HEBP2: variants seen among roughly 807,000 people sequenced by gnomAD.
The protein encoded by HEBP2 is heme-binding protein 2.
A neutral mutation model predicts 23.1 loss-of-function variants in HEBP2; 27 were observed. That is an observed-to-expected ratio of 1.17 (90% CI 0.86 to 1.61). The LOEUF is 1.61. Ranked by LOEUF, HEBP2 falls within the 40% of genes most tolerant of loss-of-function variation. The pLI, the probability that HEBP2 is intolerant of heterozygous loss-of-function variation, is 0.00. For synonymous variants in HEBP2, 99 were observed against 95.1 expected (o/e 1.04, Z -0.24); for missense variants, 245 against 253.8 (o/e 0.97, Z 0.24).
In HEBP2 at chr6:138,413,145, T is replaced by C. The variant is rs113558171; in HGVS notation, c.*67T>C. The C allele has an allele frequency of 1.6e-6, 2 of 1,249,120 alleles. No individual in the cohort carries two copies. The highest frequency in any genetic ancestry group is 4.6e-5 in the East Asian group (2 of 43,070). 77.4% of individuals were successfully genotyped at this position (1,249,120 alleles called of 1,614,324 possible). ...GTTTATCATAGACATCAACATGACC[T>C]ATAAGTAAAGTGCGTGTCTAGTGTC... is the stretch of plus-strand genomic sequence containing the variant. On this transcript the variant is annotated 3_prime_UTR_variant, in exon 4 of 4. Transcript: ENST00000607197.
At position 138,422,007 on chromosome 6, in the gene HEBP2, A is replaced by G. The variant is rs558596502; in HGVS notation, c.*8929A>G. On this transcript the variant is annotated 3_prime_UTR_variant, in exon 4 of 4. Coordinates refer to ENST00000607197, the MANE Select transcript of HEBP2 (RefSeq NM_014320.3). ...GAACACCTATCTCATTATTCAAAAA[A>G]AATGCATGTATAAACAAAAAGAAAT... 2 of 152,356 alleles carry G rather than the reference A, an allele frequency of 1.3e-5. No homozygotes were observed. Among genetic ancestry groups the G allele is most frequent in the South Asian group, 4.1e-4 (2 of 4,832 alleles). 9.4% of individuals were successfully genotyped at this position (152,356 alleles called of 1,614,324 possible).
At chr6:138,403,820 C>T, upstream of HEBP2, 1 of 400,542 alleles carries the variant, frequency 2.5e-6, no homozygotes, top group Non-Finnish European at 4.4e-6. Flanking sequence ...GTTCAGAAAC[C>T]AGAACAGTTC....
At chr6:138,409,765 C>T (rs1774712627) in intron 3 of HEBP2, among the ~76,000 whole-genome samples, 1 of 152,144 alleles carries the variant, frequency 6.6e-6, no homozygotes, top group African/African-American at 2.4e-5. Context: ...CCTGGCCCAG[C>T]CCTGTCTCAG....
chr6:138,408,152 T>G (rs1171608818), intron 3 of HEBP2, among the ~76,000 whole-genome samples: 1 of 152,222 alleles, frequency 6.6e-6, no homozygotes, highest in Non-Finnish European at 1.5e-5. Context: ...ATCAAAGGGT[T>G]GCTTGGCCTT....
At position 138,404,373 on chromosome 6, in the gene HEBP2, G is replaced by A. The variant is rs1033527022; in HGVS notation, c.-123G>A. On this transcript the variant is annotated 5_prime_UTR_variant, in exon 1 of 4. Transcript: ENST00000607197. ...CTCGGGTCTCCAGCCCGGCCGGGAG[G>A]AGGGACCGGGTCTGCGGAGCGGGGA... 1 of 563,480 alleles carries A rather than the reference G, an allele frequency of 1.8e-6. No individual in the cohort carries two copies. The highest frequency in any genetic ancestry group is 2.0e-5 in the African/African-American group (1 of 50,446). The allele number at this position is 563,480 out of a possible 1,614,324, so 34.9% of individuals were successfully genotyped here. A position where few individuals can be genotyped will look rare whatever the true frequency, so the allele number is the denominator to read the frequency against.
Position 138,404,427 on chromosome 6 carries a change from C to G in HEBP2, c.-69C>G. 1 of 1,059,908 alleles carries G rather than the reference C, an allele frequency of 9.4e-7. No individual in the cohort carries two copies. Among genetic ancestry groups the G allele is most frequent in the Non-Finnish European group, 1.2e-6 (1 of 838,218 alleles). 65.7% of individuals were successfully genotyped at this position (1,059,908 alleles called of 1,614,324 possible). A position where few individuals can be genotyped will look rare whatever the true frequency, so the allele number is the denominator to read the frequency against. The stretch of plus-strand genomic sequence containing the variant: ...GGGGCCTCGGCGGGGCGCGCACACG[C>G]AGGCGGGGCGGCCCGGGGTGCGGGG... On this transcript the variant is annotated 5_prime_UTR_variant, in exon 1 of 4. Transcript: ENST00000607197.
chr6:138,410,466 A>C (rs757260696), intron 3 of HEBP2, among the ~76,000 whole-genome samples: 152 of 151,236 alleles, frequency 1.0e-3, no homozygotes, highest in Non-Finnish European at 1.6e-3. Flanking sequence ...TTTAAGAGCC[A>C]AAATGTTTCT....
intron 3 of HEBP2, 94 bp from the exon 4 acceptor site, chr6:138,412,786 C>A: frequency 9.6e-7 from 1 of 1,039,814 alleles, no homozygotes; most frequent in Non-Finnish European, 1.5e-6. Flanking sequence ...GCACTTCACT[C>A]AGCATTCACG....
In HEBP2 at chr6:138,415,150, G is replaced by C. The variant is rs1397115178; in HGVS notation, c.*2072G>C. On this transcript the variant is annotated 3_prime_UTR_variant, in exon 4 of 4. Coordinates refer to ENST00000607197, the MANE Select transcript of HEBP2 (RefSeq NM_014320.3). ...TGGTGGGCTGCTAGAGACTTTGTTAGATCCTACCGTTCCTCTGCTCAATCC... is the reference window on the plus strand; with the variant it reads ...TGGTGGGCTGCTAGAGACTTTGTTACATCCTACCGTTCCTCTGCTCAATCC... The C allele has an allele frequency of 6.6e-6, 1 of 152,224 alleles. No individual in the cohort carries two copies. Among genetic ancestry groups the C allele is most frequent in the African/African-American group, 2.4e-5 (1 of 41,450 alleles). The allele number at this position is 152,224 out of a possible 1,614,324, so 9.4% of individuals were successfully genotyped here. A position where few individuals can be genotyped will look rare whatever the true frequency, so the allele number is the denominator to read the frequency against.
chr6:138,412,805 G>T, intron 3 of HEBP2, 75 bp from the exon 4 acceptor site: 1 of 1,287,730 alleles, frequency 7.8e-7, no homozygotes. Flanking sequence ...CGGTACTAGC[G>T]CCCGCTTTTT....
At chr6:138,406,381 G>C (rs1774646527) in intron 3 of HEBP2, among the ~76,000 whole-genome samples, 1 of 152,132 alleles carries the variant, frequency 6.6e-6, no homozygotes, top group Non-Finnish European at 1.5e-5. Context: ...TATAAGACAC[G>C]GTGCAAATTA....
chr6:138,405,103 C>G, intron 1 of HEBP2, 42 bp from the exon 2 acceptor site: 1 of 1,604,066 alleles, frequency 6.2e-7, no homozygotes, highest in Non-Finnish European at 8.5e-7. Flanking sequence ...CACTCCTACC[C>G]TCTTAGAATT....
At position 138,416,756 on chromosome 6, in the gene HEBP2, C is replaced by G. The variant is rs1774848215; in HGVS notation, c.*3678C>G. 6.6e-6 allele frequency: 1 copy of G among 152,168 alleles called. No homozygotes were observed. The highest frequency in any genetic ancestry group is 2.4e-5 in the African/African-American group (1 of 41,432). 9.4% of individuals were successfully genotyped at this position (152,168 alleles called of 1,614,324 possible). The stretch of plus-strand genomic sequence containing the variant: ...GCATTCCTAGGGACAAAAGAGCTGA[C>G]TAATCAACAAGGGTAAGGCTTTATA... On this transcript the variant is annotated 3_prime_UTR_variant, in exon 4 of 4. Coordinates refer to ENST00000607197, the MANE Select transcript of HEBP2 (RefSeq NM_014320.3).
chr6:138,404,109 A>T (rs1053810751), upstream of HEBP2: 3 of 215,170 alleles, frequency 1.4e-5, no homozygotes, highest in East Asian at 1.0e-4. Context: ...GCACAGAAAC[A>T]GCGCCACCCC....
chr6:138,404,593 C>G lies in HEBP2; in HGVS notation c.98C>G (p.Pro33Arg). The G allele has an allele frequency of 7.8e-7, 1 of 1,286,276 alleles. No individual in the cohort carries two copies. The highest frequency in any genetic ancestry group is 9.8e-7 in the Non-Finnish European group (1 of 1,017,282). 79.7% of individuals were successfully genotyped at this position (1,286,276 alleles called of 1,614,324 possible). A position where few individuals can be genotyped will look rare whatever the true frequency, so the allele number is the denominator to read the frequency against. The change falls in exon 1 of 4, where the codon CCC becomes CGC. Residue 33 changes from proline to arginine, a missense_variant. Coordinates refer to ENST00000607197, the MANE Select transcript of HEBP2 (RefSeq NM_014320.3). ...TGGAAGGCCCCGGAGGACGCCGGCC[C>G]CCAGGTAGGCGCCGACTCGGGAGCG... The part of the protein sequence containing the change: ...PGWKAPEDAG[P>R]QPGSYEIRHY...
At chr6:138,406,869 G>A (rs182363406) in intron 3 of HEBP2, among the ~76,000 whole-genome samples, 133 of 151,452 alleles carry the variant, frequency 8.8e-4, no homozygotes, top group African/African-American at 3.1e-3. Context: ...TCTACCAAAT[G>A]TATATATATA....
rs1774893679 is a variant in HEBP2, at chr6:138,419,935, T to C, written c.*6857T>C. ...TATGTGGGCACTTTGGACTCTGTGTTCAGGGACCAGTAGGCAAGAAGTCAC... is the reference window on the plus strand; with the variant it reads ...TATGTGGGCACTTTGGACTCTGTGTCCAGGGACCAGTAGGCAAGAAGTCAC... On this transcript the variant is annotated 3_prime_UTR_variant, in exon 4 of 4. Coordinates refer to ENST00000607197, the MANE Select transcript of HEBP2 (RefSeq NM_014320.3). The C allele has an allele frequency of 6.6e-6, 1 of 152,194 alleles. No homozygotes were observed. The highest frequency in any genetic ancestry group is 1.5e-5 in the Non-Finnish European group (1 of 68,060). The allele number at this position is 152,194 out of a possible 1,614,324, so 9.4% of individuals were successfully genotyped here.
At chr6:138,404,119 C>A (rs887575953), upstream of HEBP2, 60 of 220,588 alleles carry the variant, frequency 2.7e-4, no homozygotes, top group Non-Finnish European at 7.0e-5. Flanking sequence ...AGCGCCACCC[C>A]CTACTGCCCG....
rs1292551682 is a variant in HEBP2, at chr6:138,414,843, G to A, written c.*1765G>A. 6.6e-6 allele frequency: 1 copy of A among 152,296 alleles called. No homozygotes were observed. The highest frequency in any genetic ancestry group is 1.5e-5 in the Non-Finnish European group (1 of 68,144). The allele number at this position is 152,296 out of a possible 1,614,324, so 9.4% of individuals were successfully genotyped here. On this transcript the variant is annotated 3_prime_UTR_variant, in exon 4 of 4. Transcript: ENST00000607197. Reference sequence around the variant, plus strand: ...GGAGGCTAAGGTGGGAGGATTGCTTGAGCCCAGAAGTTCAAGACGAGTCAT... The same window carrying A: ...GGAGGCTAAGGTGGGAGGATTGCTTAAGCCCAGAAGTTCAAGACGAGTCAT...
Sources: allele counts gnomAD v4.1 joint callset (sites outside exome capture counted in the v4.1 genomes callset), GRCh38; gene constraint gnomAD v4.1.1; transcripts MANE v1.5; gene names NCBI Gene and HGNC (gene_info 2026-07-23, HGNC 2026-07-21).